Variants in SH3GLB2 observed in about 807,000 individuals in gnomAD.
SH3GLB2 encodes the protein SH3 domain containing GRB2 like, endophilin B2.
SH3GLB2 carries 24 observed loss-of-function variants against 48.0 expected under a neutral mutation model. The ratio of observed to expected loss-of-function variants is 0.50; its 90% CI spans 0.36 to 0.70. The LOEUF is 0.70. Ranked by LOEUF, SH3GLB2 falls within the 30% of genes least tolerant of loss-of-function variation. The pLI is 0.00. For missense variants in SH3GLB2, 425 were observed against 516.0 expected (o/e 0.82, Z 1.71); for synonymous variants, 227 against 207.6 (o/e 1.09, Z -0.80).
rs1456884213 is a variant in SH3GLB2 at position 129,008,048 on chromosome 9, G to C, written c.*636C>G. 5 of 152,870 alleles carry C rather than the reference G, an allele frequency of 3.3e-5. No individual in the cohort carries two copies. Among genetic ancestry groups the C allele is most frequent in the African/African-American group, 1.2e-4 (5 of 41,456 alleles). The allele number at this position is 152,870 out of a possible 1,614,324, so 9.5% of individuals were successfully genotyped here. On this transcript the variant is annotated 3_prime_UTR_variant, in exon 11 of 11. Transcript: ENST00000372564. Reference sequence around the variant, plus strand: ...AGGAGCCCAGGTGACTCGCACACAAGGACGGTTTATTGGCTAGAGAGCAAA... The same window carrying C: ...AGGAGCCCAGGTGACTCGCACACAACGACGGTTTATTGGCTAGAGAGCAAA...
At chr9:129,018,446 G>A (rs937629291) in intron 3 of SH3GLB2, among the ~76,000 whole-genome samples, 6 of 149,488 alleles carry the variant, frequency 4.0e-5, no homozygotes, top group Middle Eastern at 3.6e-3. Flanking sequence ...GCATGGTGGC[G>A]GGTGCCTGTA....
intron 3 of SH3GLB2, among the ~76,000 whole-genome samples, chr9:129,017,687 T>A (rs1347647044): frequency 1.3e-5 from 2 of 150,656 alleles, no homozygotes; most frequent in African/African-American, 4.9e-5. Flanking sequence ...GATCACGAGG[T>A]CAGGAGATCG....
At chr9:129,025,627 C>CA in intron 1 of SH3GLB2, among the ~76,000 whole-genome samples, 1 of 83,930 alleles carries the variant, frequency 1.2e-5, no homozygotes, top group African/African-American at 2.9e-5. Flanking sequence ...GGAAGGAAGG[C>CA]AGGCAGGCAG....
intron 5 of SH3GLB2, chr9:129,013,407 G>A (rs377592362): frequency 2.6e-5 from 7 of 269,580 alleles, no homozygotes; most frequent in South Asian, 2.3e-4. Context: ...CTCCAGAGAC[G>A]GTGTCTGGCC....
chr9:129,012,331 G>T, intron 5 of SH3GLB2, 33 bp from the exon 6 acceptor site: 1 of 1,264,210 alleles, frequency 7.9e-7, no homozygotes. Context: ...TGGGGAGGGG[G>T]TCACCCTGGG....
Position 129,021,185 on chromosome 9 carries a change from C to T in SH3GLB2, c.240G>A (p.Leu80=), listed in dbSNP as rs547508782. 3.1e-6 allele frequency: 5 copies of T among 1,611,622 alleles called. No homozygotes were observed. The highest frequency in any genetic ancestry group is 2.2e-5 in the East Asian group (1 of 44,800). Reference sequence around the variant, plus strand: ...TGACCCTTGAGGGGACCTTCCTGTCCAGCTTCTCATACAGGAACTCCTCCA... The same window carrying T: ...TGACCCTTGAGGGGACCTTCCTGTCTAGCTTCTCATACAGGAACTCCTCCA... ...ARVEEFLYEK[L]DRKVPSRVTN... The change falls in exon 3 of 11, where the codon CTG becomes CTA. Residue 80 remains leucine (L), a synonymous_variant. Transcript: ENST00000372564.
At chr9:129,021,279 A>G in intron 2 of SH3GLB2, 60 bp from the exon 3 acceptor site, 1 of 1,522,890 alleles carries the variant, frequency 6.6e-7, no homozygotes, top group Non-Finnish European at 8.8e-7. Flanking sequence ...AAAATGAAAC[A>G]GAAACAGACC....
intron 5 of SH3GLB2, chr9:129,013,079 A>C (rs1472955510): frequency 6.5e-7 from 1 of 1,548,040 alleles, no homozygotes; most frequent in Non-Finnish European, 8.7e-7. Context: ...TAGTGAGTCC[A>C]CAGCGCAGGC....
chr9:129,013,098 G>A, intron 5 of SH3GLB2: 3 of 1,508,434 alleles, frequency 2.0e-6, no homozygotes, highest in South Asian at 1.2e-5. Context: ...GCAGGAGCAG[G>A]CCCCCCAGGC....
At chr9:129,027,986 C>G in intron 1 of SH3GLB2, 106 bp downstream of exon 1, 1 of 1,072,394 alleles carries the variant, frequency 9.3e-7, no homozygotes. Context: ...GGGACGAGGG[C>G]AGCAGCCCGG....
intron 10 of SH3GLB2, 116 bp downstream of exon 10, chr9:129,008,990 C>G: frequency 6.6e-7 from 1 of 1,518,596 alleles, no homozygotes; most frequent in Non-Finnish European, 8.9e-7. Flanking sequence ...CCCTCTTTAA[C>G]CTGCTGGTCC....
chr9:129,014,956 T>A lies in SH3GLB2; in HGVS notation c.335-52A>T, dbSNP rs1207745904. ...GAAGAAGGTCAGGCTCAGGCTACTC[T>A]GATCTACAGGAGAGGGCTCAGGAAG... On this transcript the variant is annotated intron_variant, in intron 3 of 10. Transcript: ENST00000372564. This position sits in a 1 kb window ranked among gnomAD's most constrained non-coding sequence, Gnocchi z 4.1. 2 of 1,590,386 alleles carry A rather than the reference T, an allele frequency of 1.3e-6. No homozygotes were observed. Among genetic ancestry groups the A allele is most frequent in the Admixed American group, 3.5e-5 (2 of 57,860 alleles).
Position 129,021,455 on chromosome 9 carries a change from T to C in SH3GLB2, c.206-236A>G, listed in dbSNP as rs558835163. Among the ~76,000 whole-genome samples the C allele has an allele frequency of 1.1e-4, 17 of 152,262 alleles. No individual in the cohort carries two copies. The South Asian group carries it at 3.1e-3, about 28-fold the overall frequency. On this transcript the variant is annotated intron_variant, in intron 2 of 10. Coordinates refer to ENST00000372564, the MANE Select transcript of SH3GLB2 (RefSeq NM_020145.4). ...TAATATGATTACAGACCATAATACA[T>C]GCTTGCACAATTCTCTGCTCCTGGC...
chr9:129,021,353 GCCCAACCCTGAGA>G, intron 2 of SH3GLB2, 134 bp from the exon 3 acceptor site: 1 of 1,116,698 alleles, frequency 9.0e-7, no homozygotes, highest in Non-Finnish European at 1.2e-6. Flanking sequence ...TCTTGCTCAT[GCCCAACCCTGAGA>G]CTGTTGTGAT....
rs576267812 is a variant in SH3GLB2, at chr9:129,013,825, G to A, written c.561+586C>T. The A allele has an allele frequency of 3.0e-5, 9 of 298,676 alleles. No homozygotes were observed. The East Asian group carries it at 5.8e-4, about 19-fold the overall frequency. The allele number at this position is 298,676 out of a possible 1,614,324, so 18.5% of individuals were successfully genotyped here. On this transcript the variant is annotated intron_variant, in intron 5 of 10. Coordinates refer to ENST00000372564, the MANE Select transcript of SH3GLB2 (RefSeq NM_020145.4). ...GCCCAGCTCCTCCAATCCTGGCCTCGCCCTGGGCACACTGTCCCAGGCTGC... is the reference window on the plus strand; with the variant it reads ...GCCCAGCTCCTCCAATCCTGGCCTCACCCTGGGCACACTGTCCCAGGCTGC...
In SH3GLB2 at chr9:129,012,674, C is replaced by T. The variant is rs544258616; in HGVS notation, c.562-376G>A. On this transcript the variant is annotated intron_variant, in intron 5 of 10. Coordinates refer to ENST00000372564, the MANE Select transcript of SH3GLB2 (RefSeq NM_020145.4). The stretch of plus-strand genomic sequence containing the variant: ...CCCAGGGTCCCGCAAACACAGCCCA[C>T]CCCCAACTGGGATGGCTTTTTCCAT... The T allele has an allele frequency of 1.4e-3, 663 of 484,514 alleles. 1 individual carries two copies. Among genetic ancestry groups the T allele is most frequent in the Non-Finnish European group, 2.1e-3 (586 of 273,072 alleles). 30.0% of individuals were successfully genotyped at this position (484,514 alleles called of 1,614,324 possible). A position where few individuals can be genotyped will look rare whatever the true frequency, so the allele number is the denominator to read the frequency against.
intron 1 of SH3GLB2, among the ~76,000 whole-genome samples, chr9:129,025,507 AGT>A (rs1844097225): frequency 6.6e-6 from 1 of 151,646 alleles, no homozygotes; most frequent in African/African-American, 2.4e-5. Context: ...TGGAGGTTGC[AGT>A]GAGCCGAGAT....
chr9:129,022,474 G>A, intron 1 of SH3GLB2, 51 bp from the exon 2 acceptor site: 3 of 1,524,770 alleles, frequency 2.0e-6, no homozygotes, highest in Non-Finnish European at 2.7e-6. Flanking sequence ...CTCAGAAGGA[G>A]GTGGGGGAGT....
intron 7 of SH3GLB2, 127 bp downstream of exon 7, chr9:129,010,543 A>C: frequency 1.8e-6 from 2 of 1,089,878 alleles, no homozygotes; most frequent in South Asian, 2.8e-5. Flanking sequence ...CCAGGGAGGG[A>C]AAGCAGTAAC....
Sources: allele counts gnomAD v4.1 joint callset (sites outside exome capture counted in the v4.1 genomes callset), GRCh38; gene constraint gnomAD v4.1.1; non-coding constraint Gnocchi (gnomAD v3.1); transcripts MANE v1.5; gene names NCBI Gene and HGNC (gene_info 2026-07-23, HGNC 2026-07-21).